Variants in BCL11B observed in about 807,000 individuals in gnomAD.
The protein encoded by BCL11B is B-cell lymphoma/leukemia 11B.
BCL11B carries 8 observed loss-of-function variants against 49.9 expected under a neutral mutation model. That is an observed-to-expected ratio of 0.16 (90% CI 0.09 to 0.29). The LOEUF (loss-of-function observed/expected upper bound fraction) is 0.29, where lower values mean the gene tolerates loss of function less well. BCL11B is among the 10% of genes least tolerant of loss of function. BCL11B has a pLI of 1.00. For synonymous variants in BCL11B, 739 were observed against 637.4 expected (o/e 1.16, Z -2.40); for missense variants, 1,006 against 1,351.0 (o/e 0.74, Z 4.00).
rs907294968 is a variant in BCL11B, at chr14:99,222,402, C to T, written c.640+8943G>A. ...TTTCTGAGTCTTCATCATCCCCCAG[C>T]ATCTCCTGGGCACCTGCTGGGACTC... On this transcript the variant is annotated intron_variant, in intron 3 of 3. Transcript: ENST00000357195. 2.0e-4 allele frequency among the ~76,000 whole-genome samples: 30 copies of T among 152,144 alleles called. 1 individual carries two copies. Among genetic ancestry groups the T allele is most frequent in the Non-Finnish European group, 4.4e-5 (3 of 68,028 alleles).
intron 3 of BCL11B, among the ~76,000 whole-genome samples, chr14:99,177,250 T>G (rs1886562812): frequency 6.6e-6 from 1 of 152,042 alleles, no homozygotes; most frequent in African/African-American, 2.4e-5. Flanking sequence ...TCCTCACATC[T>G]GACAGGGCAG....
In BCL11B at chr14:99,221,354, T is replaced by A. The variant is rs759077770; in HGVS notation, c.640+9991A>T. 8.1e-4 allele frequency among the ~76,000 whole-genome samples: 124 copies of A among 152,342 alleles called. 1 individual carries two copies. The highest frequency in any genetic ancestry group is 1.1e-3 in the Non-Finnish European group (78 of 68,020). On this transcript the variant is annotated intron_variant, in intron 3 of 3. Transcript: ENST00000357195. ...CAATCATTTAAAATGTCCAGTTTTA[T>A]GAAAAGATTCCAGCGGCCCCCGTTT...
In BCL11B at chr14:99,248,957, C is replaced by G. The variant is rs115508797; in HGVS notation, c.427+8514G>C. Among the ~76,000 whole-genome samples, 10 of 152,292 alleles carry G rather than the reference C, an allele frequency of 6.6e-5. No homozygotes were observed. The highest frequency in any genetic ancestry group is 2.2e-4 in the African/African-American group (9 of 41,556). ...GCCAGAGTCCACTGTGCCTGCCTCT[C>G]CCCACTCTGGACTCAACAGGGCCAC... is the stretch of plus-strand genomic sequence containing the variant. On this transcript the variant is annotated intron_variant, in intron 2 of 3. Transcript: ENST00000357195. The surrounding 1 kb of genome is among the most constrained non-coding windows in gnomAD (Gnocchi z 4.7).
chr14:99,225,158 T>C (rs1266092509), intron 3 of BCL11B, among the ~76,000 whole-genome samples: 1 of 152,234 alleles, frequency 6.6e-6, no homozygotes, highest in Admixed American at 6.5e-5. Context: ...AACTTCCTTT[T>C]CTGGTTTTCA....
At chr14:99,201,654 G>A (rs1887387841) in intron 3 of BCL11B, among the ~76,000 whole-genome samples, 1 of 152,174 alleles carries the variant, frequency 6.6e-6, no homozygotes, top group East Asian at 1.9e-4. Context: ...CCCTGGTGCT[G>A]CACCGCCCCT....
chr14:99,201,613 C>T (rs541109802), intron 3 of BCL11B, among the ~76,000 whole-genome samples: 90 of 152,294 alleles, frequency 5.9e-4, no homozygotes, highest in African/African-American at 1.7e-3. Flanking sequence ...CAGCAGCCAC[C>T]CAGGCCGTCT....
chr14:99,178,866 T>G (rs1425005859), intron 3 of BCL11B, among the ~76,000 whole-genome samples: 1 of 152,206 alleles, frequency 6.6e-6, no homozygotes. Context: ...TAGTTTCTCA[T>G]GTTTTCAAGT....
In BCL11B at chr14:99,195,408, C is replaced by T. The variant is rs547430222; in HGVS notation, c.641-19213G>A. Reference sequence around the variant, plus strand: ...GCAGATGAGACCAGAATGCTGCAGGCGAATGGTGCACCCAGCATTCTATCC... The same window carrying T: ...GCAGATGAGACCAGAATGCTGCAGGTGAATGGTGCACCCAGCATTCTATCC... On this transcript the variant is annotated intron_variant, in intron 3 of 3. Transcript: ENST00000357195. This position sits in a 1 kb window ranked among gnomAD's most constrained non-coding sequence, Gnocchi z 4.7. Among the ~76,000 whole-genome samples the T allele has an allele frequency of 1.3e-5, 2 of 152,214 alleles. No homozygotes were observed. The highest frequency in any genetic ancestry group is 2.1e-4 in the South Asian group (1 of 4,816).
At chr14:99,227,646 C>A (rs527536517) in intron 3 of BCL11B, among the ~76,000 whole-genome samples, 11 of 152,280 alleles carry the variant, frequency 7.2e-5, no homozygotes, top group Admixed American at 6.5e-4. Context: ...GAAAATAACA[C>A]GAGCCTCGTT....
At chr14:99,261,514 G>A (rs562977748) in intron 1 of BCL11B, among the ~76,000 whole-genome samples, 8 of 152,140 alleles carry the variant, frequency 5.3e-5, no homozygotes, top group Admixed American at 1.3e-4. Flanking sequence ...ACCCAGAGAC[G>A]AAAAAGCACC....
intron 1 of BCL11B, among the ~76,000 whole-genome samples, chr14:99,269,202 G>A (rs1228446310): frequency 8.3e-6 from 1 of 121,200 alleles, no homozygotes; most frequent in Middle Eastern, 7.8e-3. Flanking sequence ...CAATTATACA[G>A]AGGCTACGTG....
intron 3 of BCL11B, among the ~76,000 whole-genome samples, chr14:99,190,260 G>C (rs1160365417): frequency 6.6e-6 from 1 of 152,230 alleles, no homozygotes; most frequent in Admixed American, 6.5e-5. Flanking sequence ...AGGCCAAAGC[G>C]GGCAGATCAC....
At position 99,247,664 on chromosome 14, in the gene BCL11B, C is replaced by G. The variant is rs1888886423; in HGVS notation, c.427+9807G>C. 6.6e-6 allele frequency among the ~76,000 whole-genome samples: 1 copy of G among 152,232 alleles called. No homozygotes were observed. The highest frequency in any genetic ancestry group is 1.5e-5 in the Non-Finnish European group (1 of 68,038). ...ACCTGCAGTCATCAGGAGGTAGACG[C>G]GTGTTTTCTGGACACTCTTGTGGAT... On this transcript the variant is annotated intron_variant, in intron 2 of 3. Transcript: ENST00000357195. The surrounding 1 kb of genome is among the most constrained non-coding windows in gnomAD (Gnocchi z 4.5).
At chr14:99,198,723 T>C (rs1420358056) in intron 3 of BCL11B, among the ~76,000 whole-genome samples, 2 of 152,192 alleles carry the variant, frequency 1.3e-5, no homozygotes, top group Non-Finnish European at 2.9e-5. Context: ...CGAAATGCAC[T>C]GCTTTGCACT....
chr14:99,213,635 C>T lies in BCL11B; in HGVS notation c.640+17710G>A, dbSNP rs757810910. Reference sequence around the variant, plus strand: ...GGTGCCTGTCTCCCACACTCCCGGACGCCACAGGCTGCAGAGTCCATGAGC... The same window carrying T: ...GGTGCCTGTCTCCCACACTCCCGGATGCCACAGGCTGCAGAGTCCATGAGC... On this transcript the variant is annotated intron_variant, in intron 3 of 3. Coordinates refer to ENST00000357195, the MANE Select transcript of BCL11B (RefSeq NM_138576.4). This position sits in a 1 kb window ranked among gnomAD's most constrained non-coding sequence, Gnocchi z 5.1. Among the ~76,000 whole-genome samples the T allele has an allele frequency of 2.0e-5, 3 of 152,198 alleles. No individual in the cohort carries two copies. Among genetic ancestry groups the T allele is most frequent in the South Asian group, 2.1e-4 (1 of 4,832 alleles).
At chr14:99,217,309 TAC>T (rs1887874204) in intron 3 of BCL11B, among the ~76,000 whole-genome samples, 1 of 151,356 alleles carries the variant, frequency 6.6e-6, no homozygotes, top group African/African-American at 2.4e-5. Context: ...TACATACACT[TAC>T]ATATACACGT....
intron 3 of BCL11B, among the ~76,000 whole-genome samples, chr14:99,230,705 G>T (rs1204300638): frequency 6.6e-6 from 1 of 152,206 alleles, no homozygotes; most frequent in African/African-American, 2.4e-5. Flanking sequence ...GGGAGAGCAG[G>T]ATGAGTCGGC....
intron 2 of BCL11B, among the ~76,000 whole-genome samples, chr14:99,243,254 T>C (rs1595067849): frequency 6.6e-6 from 1 of 152,120 alleles, no homozygotes; most frequent in Non-Finnish European, 1.5e-5. Context: ...GAGTTTCCTA[T>C]TGGTATCAGG....
At chr14:99,190,573 T>C (rs1373605417) in intron 3 of BCL11B, among the ~76,000 whole-genome samples, 1 of 152,022 alleles carries the variant, frequency 6.6e-6, no homozygotes, top group East Asian at 1.9e-4. Flanking sequence ...GAAGTCCCAT[T>C]CCTAACAATG....
Sources: gnomAD v4.1 joint callset for allele counts (sites outside exome capture counted in the v4.1 genomes callset) on GRCh38, gnomAD v4.1.1 for gene constraint, Gnocchi (gnomAD v3.1) non-coding constraint, MANE v1.5 for transcripts, NCBI Gene and HGNC (gene_info 2026-07-23, HGNC 2026-07-21) for gene names.